The following CELSR3 variants were observed in gnomAD, a reference collection of about 807,000 sequenced individuals.
The protein encoded by CELSR3 is EGF-like protein 1.
CELSR3 carries 73 observed loss-of-function variants against 270.0 expected under a neutral mutation model. That is an observed-to-expected ratio of 0.27 (90% CI 0.22 to 0.33). The LOEUF is 0.33. Among genes scored for constraint, CELSR3 ranks in the 10% least tolerant of loss-of-function variants. CELSR3 has a pLI of 1.00. For synonymous variants in CELSR3, 1,780 were observed against 1,905.4 expected (o/e 0.93, Z 1.71); for missense variants, 3,614 against 4,533.8 (o/e 0.80, Z 5.83).
chr3:48,648,545 G>A, intron 18 of CELSR3, 84 bp from the exon 19 acceptor site: 4 of 1,418,108 alleles, frequency 2.8e-6, no homozygotes, highest in Non-Finnish European at 3.7e-6. Context: ...GTCTGGACAG[G>A]TGCTCAGAGG....
chr3:48,658,840 C>A lies in CELSR3; in HGVS notation c.3748+47G>T. Reference sequence around the variant, plus strand: ...GGTGCCCTGTGGAGTCCCTGAGGCCCAACAGGTTGGTGTCACTGGGTCACT... The same window carrying A: ...GGTGCCCTGTGGAGTCCCTGAGGCCAAACAGGTTGGTGTCACTGGGTCACT... On this transcript the variant is annotated intron_variant, in intron 1 of 34. Coordinates refer to ENST00000164024, the MANE Select transcript of CELSR3 (RefSeq NM_001407.3). The surrounding 1 kb of genome is among the most constrained non-coding windows in gnomAD (Gnocchi z 4.7). The A allele has an allele frequency of 6.3e-7, 1 of 1,591,044 alleles. No homozygotes were observed. The highest frequency in any genetic ancestry group is 8.6e-7 in the Non-Finnish European group (1 of 1,167,054).
Position 48,660,450 on chromosome 3 carries a change from G to C in CELSR3, c.2185C>G (p.Arg729Gly). 1 of 1,614,076 alleles carries C rather than the reference G, an allele frequency of 6.2e-7. No homozygotes were observed. The highest frequency in any genetic ancestry group is 8.5e-7 in the Non-Finnish European group (1 of 1,180,034). The change falls in exon 1 of 35, where the codon CGA (arginine) becomes GGA (glycine). Residue 729 changes from arginine (R) to glycine (G), a missense_variant. Coordinates refer to ENST00000164024, the MANE Select transcript of CELSR3 (RefSeq NM_001407.3). This position sits in a 1 kb window ranked among gnomAD's most constrained non-coding sequence, Gnocchi z 5.5. ...VEHYFFGVEA[R>G]DHGSPPLSAS... ...GAGAGTGGGGGTGAGCCATGGTCTC[G>C]AGCCTCCACACCAAAGAAGTAATGC...
chr3:48,662,224 T>C lies in CELSR3; in HGVS notation c.411A>G (p.Pro137=). ...CTGTCCGCCCGCAAGAGGAGACCTC[T>C]GGGCGCCAGTATAACACAGACCCTG... is the stretch of plus-strand genomic sequence containing the variant. The part of the protein sequence containing the change: ...QGPGSVLYWR[P]EVSSCGRTGP... Residue 137 remains proline, a synonymous_variant, in exon 1 of 35, where the codon CCA becomes CCG. Transcript: ENST00000164024. This position sits in a 1 kb window ranked among gnomAD's most constrained non-coding sequence, Gnocchi z 7.1. 1 of 1,613,202 alleles carries C rather than the reference T, an allele frequency of 6.2e-7. No homozygotes were observed. Among genetic ancestry groups the C allele is most frequent in the Non-Finnish European group, 8.5e-7 (1 of 1,180,004 alleles).
In CELSR3 at chr3:48,649,152, G is replaced by C. The variant is rs1367922784; in HGVS notation, c.6536C>G (p.Thr2179Ser). The C allele has an allele frequency of 5.0e-6, 8 of 1,612,690 alleles. No homozygotes were observed. The highest frequency in any genetic ancestry group is 6.8e-6 in the Non-Finnish European group (8 of 1,179,622). ...ACTGAGCTCTCGAAAGGCAGGGGAG[G>C]TACAGTTGAAGAGGTCGGGCTCCAG... ...GWLEPDLFNC[T>S]SPAFRELSLL... is the part of the protein sequence containing the mutation. The change falls in exon 17 of 35, where the codon ACC (threonine) becomes AGC (serine). Residue 2179 changes from threonine to serine, a missense_variant. Transcript: ENST00000164024.
chr3:48,655,508 C>A lies in CELSR3; in HGVS notation c.4742-114G>T. The A allele has an allele frequency of 9.4e-7, 1 of 1,061,020 alleles. No homozygotes were observed. The highest frequency in any genetic ancestry group is 1.4e-6 in the Non-Finnish European group (1 of 698,792). The allele number at this position is 1,061,020 out of a possible 1,614,324, so 65.7% of individuals were successfully genotyped here. ...CCTGGATGCATCAGATCAGTCCCCCCACTGGTGACCACAATGGCTGGCTCA... is the reference window on the plus strand; with the variant it reads ...CCTGGATGCATCAGATCAGTCCCCCAACTGGTGACCACAATGGCTGGCTCA... On this transcript the variant is annotated intron_variant, in intron 4 of 34. Coordinates refer to ENST00000164024, the MANE Select transcript of CELSR3 (RefSeq NM_001407.3). The surrounding 1 kb of genome is among the most constrained non-coding windows in gnomAD (Gnocchi z 5.8).
intron 28 of CELSR3, 46 bp from the exon 29 acceptor site, chr3:48,643,129 G>A (rs1255184097): frequency 7.7e-7 from 1 of 1,300,150 alleles, no homozygotes; most frequent in East Asian, 2.3e-5. Context: ...GGATCAATCA[G>A]GGACCAGTAT....
rs1045838388 is a variant in CELSR3 at position 48,645,099 on chromosome 3, G to A, written c.7908C>T (p.Asn2636=). The A allele has an allele frequency of 1.1e-5, 18 of 1,604,438 alleles. No homozygotes were observed. Among genetic ancestry groups the A allele is most frequent in the East Asian group, 2.2e-5 (1 of 44,550 alleles). ...AGAAGCGCATGGCGCCGCGGTCCAC[G>A]TTGCGTGGCTCAACCTGCATGCGGT... ...HLYRMQVEPR[N]VDRGAMRFYH... is the part of the protein sequence containing the mutation. Residue 2636 remains asparagine, a synonymous_variant, in exon 25 of 35, where the codon AAC becomes AAT. Coordinates refer to ENST00000164024, the MANE Select transcript of CELSR3 (RefSeq NM_001407.3). The surrounding 1 kb of genome is among the most constrained non-coding windows in gnomAD (Gnocchi z 5.4).
At position 48,654,381 on chromosome 3, in the gene CELSR3, T is replaced by A. The variant is rs1198077008; in HGVS notation, c.5060A>T (p.His1687Leu). Residue 1687 changes from histidine (H) to leucine (L), a missense_variant, in exon 7 of 35, where the codon CAT (histidine) becomes CTT (leucine). Coordinates refer to ENST00000164024, the MANE Select transcript of CELSR3 (RefSeq NM_001407.3). This position sits in a 1 kb window ranked among gnomAD's most constrained non-coding sequence, Gnocchi z 5.4. ...PNLPENFPVS[H>L]KDFIGCMRDL... ...CCGCATACAGCCGATGAAGTCCTTATGGGATACGGGGAAGTTCTCGGGGAG... is the reference window on the plus strand; with the variant it reads ...CCGCATACAGCCGATGAAGTCCTTAAGGGATACGGGGAAGTTCTCGGGGAG... 3.7e-6 allele frequency: 6 copies of A among 1,612,956 alleles called. No homozygotes were observed. In the South Asian group the frequency reaches 6.6e-5, roughly 18 times the overall value.
In CELSR3 at chr3:48,659,695, G is replaced by A. The variant is rs2077052312; in HGVS notation, c.2940C>T (p.Val980=). ...CCCGGTCAGTGGCTGAGATCTGCAG[G>A]ACACTGGTGAAAGGTGGGGCATCCT... ...VSEDAPPFTS[V]LQISATDRDA... The change falls in exon 1 of 35, where the codon GTC becomes GTT. Residue 980 remains valine, a synonymous_variant. Coordinates refer to ENST00000164024, the MANE Select transcript of CELSR3 (RefSeq NM_001407.3). This position sits in a 1 kb window ranked among gnomAD's most constrained non-coding sequence, Gnocchi z 8.1. The A allele has an allele frequency of 6.2e-7, 1 of 1,614,206 alleles. No individual in the cohort carries two copies. The highest frequency in any genetic ancestry group is 8.5e-7 in the Non-Finnish European group (1 of 1,180,036).
Position 48,641,123 on chromosome 3 carries a change from A to C in CELSR3, c.9025+201T>G, listed in dbSNP as rs1316367607. On this transcript the variant is annotated intron_variant, in intron 33 of 34. Coordinates refer to ENST00000164024, the MANE Select transcript of CELSR3 (RefSeq NM_001407.3). The surrounding 1 kb of genome is among the most constrained non-coding windows in gnomAD (Gnocchi z 4.8). ...CTGTGGTCCCCCTGTGGTGCTGGCC[A>C]GGGTAGAGGGGGACAGAGAATTCCC... The C allele has an allele frequency of 1.7e-6, 1 of 582,094 alleles. No individual in the cohort carries two copies. The highest frequency in any genetic ancestry group is 3.1e-6 in the Non-Finnish European group (1 of 326,214). 36.1% of individuals were successfully genotyped at this position (582,094 alleles called of 1,614,324 possible).
chr3:48,661,393 C>T lies in CELSR3; in HGVS notation c.1242G>A (p.Ser414=). Residue 414 remains serine (S), a synonymous_variant, in exon 1 of 35, where the codon TCG becomes TCA. Coordinates refer to ENST00000164024, the MANE Select transcript of CELSR3 (RefSeq NM_001407.3). ...CTGTCACGGCCACCATCGTGGTGGC[C>T]GAGAGGCGCGGCGACCCGTGGTCCT... ...TAQDHGSPRL[S]ATTMVAVTVA... is the part of the protein sequence containing the mutation. 3.7e-6 allele frequency: 6 copies of T among 1,612,520 alleles called. No individual in the cohort carries two copies. The highest frequency in any genetic ancestry group is 5.1e-6 in the Non-Finnish European group (6 of 1,179,802).
Position 48,661,683 on chromosome 3 carries a change from C to A in CELSR3, c.952G>T (p.Ala318Ser). The change falls in exon 1 of 35, where the codon GCC (alanine) becomes TCC (serine). Residue 318 changes from alanine (A) to serine (S), a missense_variant. Physicochemically the swap from Ala to Ser is moderately conservative, Grantham distance 99. This residue lies in a region of CELSR3 where 470 missense variants were observed against 469.7 expected (regional missense o/e 1.00). Transcript: ENST00000164024. ...TSANRARFRR[A>S]ANRHPQFPQY... is the part of the protein sequence containing the mutation. ...GGAAACTGCGGGTGGCGGTTTGCGG[C>A]GCGACGAAAGCGTGCCCGGTTCGCC... 6.3e-7 allele frequency: 1 copy of A among 1,580,490 alleles called. No homozygotes were observed. The highest frequency in any genetic ancestry group is 8.6e-7 in the Non-Finnish European group (1 of 1,162,344).
At position 48,644,806 on chromosome 3, in the gene CELSR3, A is replaced by G; in HGVS notation, c.7995T>C (p.Pro2665=). ...AGAAGTCAGGGTTCCCATAGCCCTCAGGGTCCAGGCCCACAGCAAGGCCTT... is the reference window on the plus strand; with the variant it reads ...AGAAGTCAGGGTTCCCATAGCCCTCGGGGTCCAGGCCCACAGCAAGGCCTT... ...VLLGLAVGLD[P]EGYGNPDFCW... Residue 2665 remains proline, a synonymous_variant, in exon 26 of 35, where the codon CCT becomes CCC. Transcript: ENST00000164024. This position sits in a 1 kb window ranked among gnomAD's most constrained non-coding sequence, Gnocchi z 4.8. 1 of 1,613,396 alleles carries G rather than the reference A, an allele frequency of 6.2e-7. No individual in the cohort carries two copies. The highest frequency in any genetic ancestry group is 8.5e-7 in the Non-Finnish European group (1 of 1,179,928).
Position 48,644,986 on chromosome 3 carries a change from CA to C in CELSR3, c.7972+48del. 6.4e-7 allele frequency: 1 copy of C among 1,556,518 alleles called. No individual in the cohort carries two copies. Among genetic ancestry groups the C allele is most frequent in the Non-Finnish European group, 8.7e-7 (1 of 1,144,998 alleles). On this transcript the variant is annotated intron_variant, in intron 25 of 34. Transcript: ENST00000164024. The surrounding 1 kb of genome is among the most constrained non-coding windows in gnomAD (Gnocchi z 4.8). The stretch of plus-strand genomic sequence containing the variant: ...TCATGAGCAGGAGTGGGGACAGGGT[CA>C]GGGGTCAGGCCATGTGATGGTTGGA...
chr3:48,648,242 C>CCCCCAACCCCCCCCCCA, intron 19 of CELSR3, 24 bp downstream of exon 19: 1 of 1,353,376 alleles, frequency 7.4e-7, no homozygotes. Flanking sequence ...TGCTGTGCCC[C>CCCCCAACCCCCCCCCCA]GCCCTACCCC....
rs1219536569 is a variant in CELSR3, at chr3:48,638,082, C to T, written c.*123G>A. 6.3e-6 allele frequency: 5 copies of T among 792,670 alleles called. No individual in the cohort carries two copies. The highest frequency in any genetic ancestry group is 1.9e-5 in the Admixed American group (1 of 52,150). 49.1% of individuals were successfully genotyped at this position (792,670 alleles called of 1,614,324 possible). A position where few individuals can be genotyped will look rare whatever the true frequency, so the allele number is the denominator to read the frequency against. ...CTCAGCCCTGCCACACCAGGTAGAG[C>T]TGGGGCACCCACCACTGGGGAGCAG... On this transcript the variant is annotated 3_prime_UTR_variant, in exon 35 of 35. Transcript: ENST00000164024.
chr3:48,653,616 C>T lies in CELSR3; in HGVS notation c.5448+3G>A. 1.2e-6 allele frequency: 2 copies of T among 1,613,506 alleles called. No individual in the cohort carries two copies. The highest frequency in any genetic ancestry group is 1.3e-5 in the African/African-American group (1 of 75,052). On this transcript the variant is annotated splice_donor_region_variant and intron_variant, in intron 9 of 34. Transcript: ENST00000164024. The surrounding 1 kb of genome is among the most constrained non-coding windows in gnomAD (Gnocchi z 6.5). ...GGTATAGGGGTGAGCAGGGTGGACA[C>T]ACCTGGCAAAGGAGCGTGCTGTGTG...
At chr3:48,638,921 C>T (rs1216089317) in intron 34 of CELSR3, among the ~76,000 whole-genome samples, 4 of 151,526 alleles carry the variant, frequency 2.6e-5, no homozygotes, top group African/African-American at 7.3e-5. Flanking sequence ...TCTCTTACCC[C>T]ACAAACCCCC....
rs2047123914 is a variant in CELSR3 at position 48,650,127 on chromosome 3, C to T, written c.6472+353G>A. 1 of 459,590 alleles carries T rather than the reference C, an allele frequency of 2.2e-6. No individual in the cohort carries two copies. Among genetic ancestry groups the T allele is most frequent in the Non-Finnish European group, 4.3e-6 (1 of 231,080 alleles). The allele number at this position is 459,590 out of a possible 1,614,324, so 28.5% of individuals were successfully genotyped here. A position where few individuals can be genotyped will look rare whatever the true frequency, so the allele number is the denominator to read the frequency against. ...AGGATCTCAGGCATCAGAGAAGGGC[C>T]CCTGGGGTACTCAGATAGCCAGAAG... On this transcript the variant is annotated intron_variant, in intron 16 of 34. Transcript: ENST00000164024. This position sits in a 1 kb window ranked among gnomAD's most constrained non-coding sequence, Gnocchi z 5.1.
Sources: gnomAD v4.1 joint callset for allele counts (sites outside exome capture counted in the v4.1 genomes callset) on GRCh38, gnomAD v4.1.1 for gene constraint, gnomAD v4.1.1 regional missense constraint, Gnocchi (gnomAD v3.1) non-coding constraint, MANE v1.5 for transcripts, NCBI Gene and HGNC (gene_info 2026-07-23, HGNC 2026-07-21) for gene names.